PLEKHA3: variants seen among roughly 807,000 people sequenced by gnomAD.
PLEKHA3 encodes the protein pleckstrin homology domain containing A3.
Under a neutral mutation model 39.2 loss-of-function variants are expected in PLEKHA3, and 19 were observed. That is an observed-to-expected ratio of 0.48 (90% CI 0.34 to 0.71). The LOEUF (loss-of-function observed/expected upper bound fraction) is 0.71. PLEKHA3 is among the 30% of genes least tolerant of loss of function. The probability of loss-of-function intolerance (pLI) is 0.01; values close to 1 mark genes in which losing one functional copy is unlikely to be tolerated. For synonymous variants in PLEKHA3, 97 were observed against 118.6 expected (o/e 0.82, Z 1.18); for missense variants, 253 against 359.5 (o/e 0.70, Z 2.40).
chr2:178,480,934 A>G (rs1685150663), intron 1 of PLEKHA3, 25 bp downstream of exon 1: 1 of 1,302,172 alleles, frequency 7.7e-7, no homozygotes, highest in Non-Finnish European at 9.9e-7. Flanking sequence ...GTGATGAGGG[A>G]AGAGGGGAGA....
At chr2:178,501,507 A>G (rs751668820) in intron 7 of PLEKHA3, among the ~76,000 whole-genome samples, 2 of 151,988 alleles carry the variant, frequency 1.3e-5, no homozygotes, top group Non-Finnish European at 2.9e-5. Context: ...TTCTAGGGGA[A>G]AATAAAGGCA....
Position 178,499,272 on chromosome 2 carries a change from T to G in PLEKHA3, c.659+18T>G. The G allele has an allele frequency of 3.7e-6, 6 of 1,610,730 alleles. No individual in the cohort carries two copies. The highest frequency in any genetic ancestry group is 5.1e-6 in the Non-Finnish European group (6 of 1,178,552). On this transcript the variant is annotated intron_variant, in intron 6 of 7. Coordinates refer to ENST00000234453, the MANE Select transcript of PLEKHA3 (RefSeq NM_019091.4). ...TCAGAGAGGTAAAAGAACCTTTTCT[T>G]CTGACTAAGTTCTCTCAAATTATAT...
Position 178,509,054 on chromosome 2 carries a change from C to G in PLEKHA3, c.*5167C>G, listed in dbSNP as rs541346350. 4 of 153,898 alleles carry G rather than the reference C, an allele frequency of 2.6e-5. No individual in the cohort carries two copies. The highest frequency in any genetic ancestry group is 9.6e-5 in the African/African-American group (4 of 41,566). The allele number at this position is 153,898 out of a possible 1,614,324, so 9.5% of individuals were successfully genotyped here. A position where few individuals can be genotyped will look rare whatever the true frequency, so the allele number is the denominator to read the frequency against. On this transcript the variant is annotated 3_prime_UTR_variant, in exon 8 of 8. Coordinates refer to ENST00000234453, the MANE Select transcript of PLEKHA3 (RefSeq NM_019091.4). ...TTGGGTACTTAGGCTTTAACTTCCT[C>G]CACTCTGCTAGGTTAGGTATTGCAC...
chr2:178,499,356 G>A (rs1336992036), intron 6 of PLEKHA3, 102 bp downstream of exon 6: 1 of 1,086,244 alleles, frequency 9.2e-7, no homozygotes, highest in Non-Finnish European at 1.3e-6. Context: ...ACTCTGTATG[G>A]GTTAGGTCTG....
At chr2:178,483,850 G>T (rs555450946) in intron 1 of PLEKHA3, among the ~76,000 whole-genome samples, 5 of 152,150 alleles carry the variant, frequency 3.3e-5, no homozygotes, top group Non-Finnish European at 4.4e-5. Context: ...AGGCCAAGAT[G>T]GCAGGATTAC....
chr2:178,502,261 T>A (rs914492880), intron 7 of PLEKHA3: 7 of 181,500 alleles, frequency 3.9e-5, no homozygotes, highest in South Asian at 1.2e-4. Context: ...ACTTTTTTTT[T>A]AAACTGAATT....
At chr2:178,483,581 G>T (rs1685205856) in intron 1 of PLEKHA3, among the ~76,000 whole-genome samples, 1 of 152,120 alleles carries the variant, frequency 6.6e-6, no homozygotes, top group Admixed American at 6.5e-5. Context: ...ATATTGAATT[G>T]CAGTACTGCA....
At chr2:178,484,942 T>TA (rs1685224817) in intron 1 of PLEKHA3, among the ~76,000 whole-genome samples, 1 of 152,244 alleles carries the variant, frequency 6.6e-6, no homozygotes, top group African/African-American at 2.4e-5. Flanking sequence ...ATTTCAACCC[T>TA]AGCTGTGCAA....
At position 178,501,077 on chromosome 2, in the gene PLEKHA3, A is replaced by G. The variant is rs1372976194; in HGVS notation, c.676A>G (p.Lys226Glu). Residue 226 changes from lysine (K) to glutamate (E), a missense_variant, in exon 7 of 8, where the codon AAA becomes GAA. Around this residue, in one of 2 missense-constraint regions of PLEKHA3, gnomAD observed 127 missense variants for 136.8 expected, o/e 0.93. Transcript: ENST00000234453. Reference protein sequence around the residue: ...CSSERSSHSIKEPVSTLHRLS... With the variant: ...CSSERSSHSIEEPVSTLHRLS... ...AATTTGCAGGAGTAGCCACTCTATA[A>G]AAGAACCAGTATCTACACTTCACCG... is the stretch of plus-strand genomic sequence containing the variant. The G allele has an allele frequency of 1.9e-6, 3 of 1,612,472 alleles. No individual in the cohort carries two copies. The highest frequency in any genetic ancestry group is 1.3e-5 in the African/African-American group (1 of 74,802).
rs1284009776 is a variant in PLEKHA3 at position 178,511,404 on chromosome 2, C to G, written c.*7517C>G. The G allele has an allele frequency of 6.9e-6, 1 of 145,126 alleles. No homozygotes were observed. Among genetic ancestry groups the G allele is most frequent in the East Asian group, 2.0e-4 (1 of 5,062 alleles). 9.0% of individuals were successfully genotyped at this position (145,126 alleles called of 1,614,324 possible). On this transcript the variant is annotated 3_prime_UTR_variant, in exon 8 of 8. Transcript: ENST00000234453. ...TTTTTTTTTTTTTGAGACAGAGTCT[C>G]ACTCTGTAGCCCAAGTTAGAGTGCA... is the stretch of plus-strand genomic sequence containing the variant.
chr2:178,502,792 TCACA>T (rs777323160), intron 7 of PLEKHA3, among the ~76,000 whole-genome samples: 6 of 144,600 alleles, frequency 4.1e-5, no homozygotes, highest in Admixed American at 1.4e-4. Context: ...AAAACTAGTC[TCACA>T]CACACACACA....
chr2:178,480,591 C>T lies in PLEKHA3; in HGVS notation c.-279C>T. The T allele has an allele frequency of 3.7e-6, 1 of 272,218 alleles. No homozygotes were observed. Among genetic ancestry groups the T allele is most frequent in the Non-Finnish European group, 6.9e-6 (1 of 145,496 alleles). The allele number at this position is 272,218 out of a possible 1,614,324, so 16.9% of individuals were successfully genotyped here. A position where few individuals can be genotyped will look rare whatever the true frequency, so the allele number is the denominator to read the frequency against. On this transcript the variant is annotated 5_prime_UTR_variant, in exon 1 of 8. Transcript: ENST00000234453. The stretch of plus-strand genomic sequence containing the variant: ...GGCTGCGGAAGCGCGAGCAGGAGGC[C>T]GGTCGCGGGCGCATTTTTGCCGTTG...
At position 178,508,480 on chromosome 2, in the gene PLEKHA3, T is replaced by C. The variant is rs537716101; in HGVS notation, c.*4593T>C. The C allele has an allele frequency of 6.6e-6, 1 of 152,510 alleles. No individual in the cohort carries two copies. Among genetic ancestry groups the C allele is most frequent in the East Asian group, 1.9e-4 (1 of 5,184 alleles). 9.4% of individuals were successfully genotyped at this position (152,510 alleles called of 1,614,324 possible). On this transcript the variant is annotated 3_prime_UTR_variant, in exon 8 of 8. Coordinates refer to ENST00000234453, the MANE Select transcript of PLEKHA3 (RefSeq NM_019091.4). ...CTTTCTATTTATTTGTTTTGGGCTC[T>C]TTCATTCTGAAGCCTTTCTTAGAAA...
At chr2:178,487,918 T>G (rs1368197102) in intron 2 of PLEKHA3, among the ~76,000 whole-genome samples, 3 of 152,166 alleles carry the variant, frequency 2.0e-5, no homozygotes, top group Non-Finnish European at 4.4e-5. Flanking sequence ...CTCATGGTGG[T>G]TTTTTACTTG....
Position 178,512,737 on chromosome 2 carries a change from C to T in PLEKHA3, c.*8850C>T, listed in dbSNP as rs991913916. 3.9e-5 allele frequency: 6 copies of T among 153,726 alleles called. No homozygotes were observed. The highest frequency in any genetic ancestry group is 1.2e-4 in the African/African-American group (5 of 41,444). The allele number at this position is 153,726 out of a possible 1,614,324, so 9.5% of individuals were successfully genotyped here. On this transcript the variant is annotated 3_prime_UTR_variant, in exon 8 of 8. Coordinates refer to ENST00000234453, the MANE Select transcript of PLEKHA3 (RefSeq NM_019091.4). Reference sequence around the variant, plus strand: ...AGATGTTCTAGGAAAACTTTTCAGTCCCGCTCAGTGCTGCCATCTTTTTCT... The same window carrying T: ...AGATGTTCTAGGAAAACTTTTCAGTTCCGCTCAGTGCTGCCATCTTTTTCT...
rs372999003 is a variant in PLEKHA3, at chr2:178,512,750, G to A, written c.*8863G>A. ...AAACTTTTCAGTCCCGCTCAGTGCT[G>A]CCATCTTTTTCTCCCAGCACTCTGG... On this transcript the variant is annotated 3_prime_UTR_variant, in exon 8 of 8. Coordinates refer to ENST00000234453, the MANE Select transcript of PLEKHA3 (RefSeq NM_019091.4). 6.5e-4 allele frequency: 100 copies of A among 153,878 alleles called. No individual in the cohort carries two copies. Among genetic ancestry groups the A allele is most frequent in the Non-Finnish European group, 1.2e-3 (80 of 68,024 alleles). 9.5% of individuals were successfully genotyped at this position (153,878 alleles called of 1,614,324 possible). A position where few individuals can be genotyped will look rare whatever the true frequency, so the allele number is the denominator to read the frequency against.
chr2:178,490,064 C>T (rs1435682528), intron 2 of PLEKHA3, among the ~76,000 whole-genome samples: 1 of 152,146 alleles, frequency 6.6e-6, no homozygotes, highest in Non-Finnish European at 1.5e-5. Context: ...ATCATAATTC[C>T]TGATTAGCTC....
At chr2:178,487,342 A>T (rs772433277) in intron 2 of PLEKHA3, among the ~76,000 whole-genome samples, 3 of 152,262 alleles carry the variant, frequency 2.0e-5, no homozygotes, top group African/African-American at 7.2e-5. Flanking sequence ...ACAAGGATGG[A>T]GAAGGAAGCC....
intron 5 of PLEKHA3, among the ~76,000 whole-genome samples, chr2:178,498,542 T>C (rs1270674438): frequency 1.3e-5 from 2 of 152,220 alleles, no homozygotes; most frequent in Admixed American, 6.5e-5. Context: ...TGCCTCCCTT[T>C]ATATTTTGAT....
Sources: gnomAD v4.1 joint callset for allele counts (sites outside exome capture counted in the v4.1 genomes callset) on GRCh38, gnomAD v4.1.1 for gene constraint, gnomAD v4.1.1 regional missense constraint, MANE v1.5 for transcripts, NCBI Gene and HGNC (gene_info 2026-07-23, HGNC 2026-07-21) for gene names.